The following CNTLN variants were observed in gnomAD, a reference collection of about 807,000 sequenced individuals.
The protein encoded by CNTLN is centlein.
Under a neutral mutation model 180.0 loss-of-function variants are expected in CNTLN, and 212 were observed. The ratio of observed to expected loss-of-function variants is 1.18; its 90% CI spans 1.05 to 1.32. CNTLN has a LOEUF of 1.32. Among genes scored for constraint, CNTLN ranks in the 40% most tolerant of loss-of-function variants. The pLI is 0.00. For synonymous variants in CNTLN, 722 were observed against 563.1 expected (o/e 1.28, Z -3.99); for missense variants, 2,095 against 1,610.9 (o/e 1.30, Z -5.14).
intron 6 of CNTLN, among the ~76,000 whole-genome samples, chr9:17,275,998 G>C (rs1828284394): frequency 6.6e-6 from 1 of 152,074 alleles, no homozygotes; most frequent in Non-Finnish European, 1.5e-5. Context: ...AAGGGAGTGA[G>C]GGTGCATGGG....
At chr9:17,221,595 C>G (rs1021396683) in intron 2 of CNTLN, among the ~76,000 whole-genome samples, 8 of 152,036 alleles carry the variant, frequency 5.3e-5, no homozygotes, top group Admixed American at 2.6e-4. Flanking sequence ...TTTTGTGTGC[C>G]TACATCCAAA....
In CNTLN at chr9:17,320,042, T is replaced by C. The variant is rs769641199; in HGVS notation, c.1342-10590T>C. On this transcript the variant is annotated intron_variant, in intron 8 of 25. Transcript: ENST00000380647. Reference sequence around the variant, plus strand: ...CATGCAGAAATAATGTTTTTTGCCTTGGAGGAATATCTTGCAGTAGAGGAC... The same window carrying C: ...CATGCAGAAATAATGTTTTTTGCCTCGGAGGAATATCTTGCAGTAGAGGAC... Among the ~76,000 whole-genome samples, 6 of 152,354 alleles carry C rather than the reference T, an allele frequency of 3.9e-5. No individual in the cohort carries two copies. In the East Asian group the frequency reaches 9.6e-4, roughly 24 times the overall value.
chr9:17,214,643 A>G (rs1310796888), intron 2 of CNTLN, among the ~76,000 whole-genome samples: 1 of 152,216 alleles, frequency 6.6e-6, no homozygotes, highest in Admixed American at 6.5e-5. Flanking sequence ...AATATCCTGC[A>G]GAGTGTTTTC....
chr9:17,214,519 G>A (rs1441836576), intron 2 of CNTLN, among the ~76,000 whole-genome samples: 1 of 152,098 alleles, frequency 6.6e-6, no homozygotes, highest in Non-Finnish European at 1.5e-5. Context: ...TGGTGAATCT[G>A]ACAATTATGT....
intron 5 of CNTLN, among the ~76,000 whole-genome samples, chr9:17,264,283 C>G (rs1212648986): frequency 6.6e-6 from 1 of 150,464 alleles, no homozygotes; most frequent in Non-Finnish European, 1.5e-5. Flanking sequence ...TTTCCCAGCA[C>G]CACTTATTAA....
intron 2 of CNTLN, among the ~76,000 whole-genome samples, chr9:17,214,931 G>A (rs1823624434): frequency 6.6e-6 from 1 of 152,126 alleles, no homozygotes; most frequent in East Asian, 1.9e-4. Flanking sequence ...TCTGTACACT[G>A]GTTATTCTAG....
chr9:17,240,624 A>T (rs1825426012), intron 5 of CNTLN, among the ~76,000 whole-genome samples: 1 of 151,596 alleles, frequency 6.6e-6, no homozygotes, highest in African/African-American at 2.4e-5. Context: ...TTTCACATAG[A>T]GTTGTTTGAG....
chr9:17,525,451 A>T, the CNTLN span, among the ~76,000 whole-genome samples: 1 of 152,196 alleles, frequency 6.6e-6, no homozygotes, highest in Non-Finnish European at 1.5e-5. Flanking sequence ...CATGATTCAG[A>T]GTTTTTAAAA....
At chr9:17,290,820 G>C in intron 6 of CNTLN, among the ~76,000 whole-genome samples, 3 of 152,166 alleles carry the variant, frequency 2.0e-5, no homozygotes, top group Non-Finnish European at 4.4e-5. Flanking sequence ...GGAACTCCCT[G>C]ATCCCTCGCG....
chr9:17,232,340 T>G (rs1824865199), intron 3 of CNTLN, among the ~76,000 whole-genome samples: 1 of 152,012 alleles, frequency 6.6e-6, no homozygotes, highest in South Asian at 2.1e-4. Flanking sequence ...TTTTTAAATT[T>G]TATTATGCTT....
chr9:17,394,114 G>A (rs12002417), intron 14 of CNTLN, among the ~76,000 whole-genome samples: 1 of 151,802 alleles, frequency 6.6e-6, no homozygotes, highest in Non-Finnish European at 1.5e-5. Flanking sequence ...ACTTTATATT[G>A]TCATTCCTTT....
rs539584897 is a variant in CNTLN, at chr9:17,281,358, G to A, written c.983+7492G>A. 1.7e-4 allele frequency among the ~76,000 whole-genome samples: 26 copies of A among 152,112 alleles called. 1 individual carries two copies. In the South Asian group the frequency reaches 5.2e-3, roughly 30 times the overall value. On this transcript the variant is annotated intron_variant, in intron 6 of 25. Transcript: ENST00000380647. ...GTTATGTAGGTAAATATGTGCCATG[G>A]TGGTTTGCAGCACCTATCAATCTAT...
At chr9:17,322,750 C>G (rs770455002) in intron 8 of CNTLN, among the ~76,000 whole-genome samples, 1 of 151,900 alleles carries the variant, frequency 6.6e-6, no homozygotes, top group Non-Finnish European at 1.5e-5. Context: ...AGAAAAATTT[C>G]TCATGGAGTA....
intron 18 of CNTLN, among the ~76,000 whole-genome samples, chr9:17,428,705 A>G (rs1313121924): frequency 2.0e-5 from 3 of 152,058 alleles, no homozygotes; most frequent in African/African-American, 4.8e-5. Context: ...TTTCACTAGT[A>G]TGTTTTAGAT....
intron 2 of CNTLN, among the ~76,000 whole-genome samples, chr9:17,145,579 C>CT (rs1228233558): frequency 5.9e-5 from 9 of 152,152 alleles, no homozygotes; most frequent in Non-Finnish European, 1.2e-4. Context: ...TCTCATTGCC[C>CT]TTCTCTTTAC....
intron 8 of CNTLN, among the ~76,000 whole-genome samples, chr9:17,318,526 ATT>A (rs1819688565): frequency 6.6e-6 from 1 of 152,210 alleles, no homozygotes; most frequent in Non-Finnish European, 1.5e-5. Context: ...AAACTTTGAT[ATT>A]GACTTATATG....
At chr9:17,327,374 C>T (rs1316338688) in intron 8 of CNTLN, among the ~76,000 whole-genome samples, 5 of 151,452 alleles carry the variant, frequency 3.3e-5, no homozygotes, top group South Asian at 2.1e-4. Context: ...CACAGTGAGA[C>T]GGGGTTTCAC....
chr9:17,344,529 C>G (rs886103975), intron 12 of CNTLN, among the ~76,000 whole-genome samples: 11 of 152,166 alleles, frequency 7.2e-5, no homozygotes, highest in African/African-American at 2.6e-4. Context: ...GATAGTCAGT[C>G]TGCTAGGTCA....
intron 16 of CNTLN, 63 bp downstream of exon 16, chr9:17,409,536 C>T (rs1827679814): frequency 1.8e-5 from 22 of 1,199,716 alleles, no homozygotes; most frequent in Non-Finnish European, 2.4e-5. Flanking sequence ...TGCTTTATAA[C>T]TTAAGTAAAT....
Sources: gnomAD v4.1 joint callset for allele counts (sites outside exome capture counted in the v4.1 genomes callset) on GRCh38, gnomAD v4.1.1 for gene constraint, MANE v1.5 for transcripts, NCBI Gene and HGNC (gene_info 2026-07-23, HGNC 2026-07-21) for gene names.